The following CASZ1 variants were observed in gnomAD, a reference collection of about 807,000 sequenced individuals.
CASZ1 encodes castor zinc finger 1.
Under a neutral mutation model 135.2 loss-of-function variants are expected in CASZ1, and 28 were observed. The ratio of observed to expected loss-of-function variants is 0.21; its 90% CI spans 0.15 to 0.28. CASZ1 has a LOEUF of 0.28. CASZ1 is among the 10% of genes least tolerant of loss of function. The pLI is 1.00. For missense variants in CASZ1, 2,161 were observed against 2,453.3 expected, an observed-to-expected ratio of 0.88 and a Z score of 2.52; for synonymous variants, 1,068 against 1,073.4, an observed-to-expected ratio of 0.99 and a Z score of 0.10.
chr1:10,773,499 C>T lies in CASZ1; in HGVS notation c.-233-12642G>A, dbSNP rs183761032. ...CTGACAGGTGCAGGACAGTGGGACCCGGGAAGGAAATGGGCGAGCGGGGGT... is the reference window on the plus strand; with the variant it reads ...CTGACAGGTGCAGGACAGTGGGACCTGGGAAGGAAATGGGCGAGCGGGGGT... On this transcript the variant is annotated intron_variant, in intron 1 of 20. Transcript: ENST00000377022. Among the ~76,000 whole-genome samples the T allele has an allele frequency of 8.6e-5, 13 of 152,020 alleles. 1 individual carries two copies. The highest frequency in any genetic ancestry group is 2.6e-4 in the Admixed American group (4 of 15,280).
chr1:10,785,804 C>T (rs750172453), intron 1 of CASZ1, among the ~76,000 whole-genome samples: 7 of 152,252 alleles, frequency 4.6e-5, no homozygotes, highest in African/African-American at 1.4e-4. Flanking sequence ...CCTCCTCCTG[C>T]GCCCCTGCTA....
chr1:10,691,251 G>C (rs1228678369), intron 4 of CASZ1, among the ~76,000 whole-genome samples: 1 of 152,108 alleles, frequency 6.6e-6, no homozygotes, highest in Non-Finnish European at 1.5e-5. Flanking sequence ...TGTCATCTCG[G>C]GGCCTGGTGA....
intron 2 of CASZ1, 45 bp from the exon 3 acceptor site, chr1:10,705,589 T>C (rs1361991052): frequency 6.6e-6 from 1 of 152,328 alleles, no homozygotes; most frequent in African/African-American, 2.4e-5. Context: ...TCCAAGCCCA[T>C]GACTCCCCAG....
At position 10,657,294 on chromosome 1, in the gene CASZ1, G is replaced by T; in HGVS notation, c.1410-558C>A. ...CGCCAGGAACCTGTGCTGCCTCCCA[G>T]GAAACCCGTCCTCCTCCAGGCCCCA... is the stretch of plus-strand genomic sequence containing the variant. On this transcript the variant is annotated intron_variant, in intron 7 of 20. Coordinates refer to ENST00000377022, the MANE Select transcript of CASZ1 (RefSeq NM_001079843.3). This position sits in a 1 kb window ranked among gnomAD's most constrained non-coding sequence, Gnocchi z 5.7. Among the ~76,000 whole-genome samples, 1 of 152,242 alleles carries T rather than the reference G, an allele frequency of 6.6e-6. No individual in the cohort carries two copies. The highest frequency in any genetic ancestry group is 1.9e-4 in the East Asian group (1 of 5,190).
In CASZ1 at chr1:10,700,190, C is replaced by A. The variant is rs186059893; in HGVS notation, c.-24+5302G>T. Among the ~76,000 whole-genome samples, 3 of 152,214 alleles carry A rather than the reference C, an allele frequency of 2.0e-5. No individual in the cohort carries two copies. The highest frequency in any genetic ancestry group is 7.2e-5 in the African/African-American group (3 of 41,520). Reference sequence around the variant, plus strand: ...GCCCAGCCTGTGGCCCCAGCCCGGGCGGGGACCTGTTCTGGAATGTTGGGT... The same window carrying A: ...GCCCAGCCTGTGGCCCCAGCCCGGGAGGGGACCTGTTCTGGAATGTTGGGT... On this transcript the variant is annotated intron_variant, in intron 3 of 20. Coordinates refer to ENST00000377022, the MANE Select transcript of CASZ1 (RefSeq NM_001079843.3). This position sits in a 1 kb window ranked among gnomAD's most constrained non-coding sequence, Gnocchi z 4.2.
chr1:10,772,669 A>G (rs927763186), intron 1 of CASZ1, among the ~76,000 whole-genome samples: 8 of 152,138 alleles, frequency 5.3e-5, no homozygotes, highest in African/African-American at 1.7e-4. Flanking sequence ...CAGGGTGTCC[A>G]CCTGAGTGCC....
rs77034865 is a variant in CASZ1, at chr1:10,648,331, C to T, written c.3159-192G>A. ...GGCAAACTGCAGCGTCCCCTGGTTC[C>T]GAACTTGGTCTCCTGGCTTGGGCCT... is the stretch of plus-strand genomic sequence containing the variant. On this transcript the variant is annotated intron_variant, in intron 15 of 20. Coordinates refer to ENST00000377022, the MANE Select transcript of CASZ1 (RefSeq NM_001079843.3). The T allele has an allele frequency of 7.4e-4, 383 of 518,928 alleles. 1 individual carries two copies. The highest frequency in any genetic ancestry group is 6.9e-3 in the African/African-American group (350 of 51,056). The allele number at this position is 518,928 out of a possible 1,614,324, so 32.1% of individuals were successfully genotyped here. A position where few individuals can be genotyped will look rare whatever the true frequency, so the allele number is the denominator to read the frequency against.
chr1:10,764,269 GT>G (rs1201185165), intron 1 of CASZ1, among the ~76,000 whole-genome samples: 3 of 152,154 alleles, frequency 2.0e-5, no homozygotes, highest in African/African-American at 7.2e-5. Context: ...CAGCTCTCAG[GT>G]TTAAGGGAGC....
At chr1:10,763,051 C>T (rs1477380506) in intron 1 of CASZ1, among the ~76,000 whole-genome samples, 1 of 152,236 alleles carries the variant, frequency 6.6e-6, no homozygotes, top group African/African-American at 2.4e-5. Flanking sequence ...TTCCTGCCAT[C>T]CTCCAAGCCT....
At chr1:10,693,840 A>G (rs779879434) in intron 4 of CASZ1, 34 bp downstream of exon 4, 2 of 1,545,468 alleles carry the variant, frequency 1.3e-6, no homozygotes, top group African/African-American at 1.4e-5. Flanking sequence ...AAGAAAAGTG[A>G]AAGAGCCGCC....
At chr1:10,668,388 C>G (rs1643301945) in intron 4 of CASZ1, among the ~76,000 whole-genome samples, 1 of 152,254 alleles carries the variant, frequency 6.6e-6, no homozygotes, top group South Asian at 2.1e-4. Context: ...CCCCTTTCAT[C>G]TCCTTCCCGC....
Position 10,646,358 on chromosome 1 carries a change from G to GCCATT in CASZ1, c.3498-37_3498-33dup, listed in dbSNP as rs1642364096. On this transcript the variant is annotated intron_variant, in intron 16 of 20. Transcript: ENST00000377022. This position sits in a 1 kb window ranked among gnomAD's most constrained non-coding sequence, Gnocchi z 6.4. ...GGAAACCACAGCCCAGAAGGTCATT[G>GCCATT]CCATTCTCAAGCCCTCCCTGCTGGT... The GCCATT allele has an allele frequency of 1.9e-6, 3 of 1,608,420 alleles. No individual in the cohort carries two copies. Among genetic ancestry groups the GCCATT allele is most frequent in the African/African-American group, 2.7e-5 (2 of 74,938 alleles).
At chr1:10,681,200 CT>C (rs58517587) in intron 4 of CASZ1, among the ~76,000 whole-genome samples, 271 of 146,236 alleles carry the variant, frequency 1.9e-3, no homozygotes, top group Middle Eastern at 3.5e-3. Flanking sequence ...CGTGCCTGAC[CT>C]TTTTTTTTTT....
In CASZ1 at chr1:10,759,213, G is replaced by A. The variant is rs1640316676; in HGVS notation, c.-77+1488C>T. Among the ~76,000 whole-genome samples the A allele has an allele frequency of 6.6e-6, 1 of 152,180 alleles. No individual in the cohort carries two copies. The highest frequency in any genetic ancestry group is 1.5e-5 in the Non-Finnish European group (1 of 68,046). ...GCAGGGCTGGGCAAGACCACCCTGA[G>A]GCTTGCATATATTTGAGCCTGCATC... On this transcript the variant is annotated intron_variant, in intron 2 of 20. Coordinates refer to ENST00000377022, the MANE Select transcript of CASZ1 (RefSeq NM_001079843.3). This position sits in a 1 kb window ranked among gnomAD's most constrained non-coding sequence, Gnocchi z 4.2.
At chr1:10,684,179 G>C (rs1429404008) in intron 4 of CASZ1, among the ~76,000 whole-genome samples, 2 of 152,100 alleles carry the variant, frequency 1.3e-5, no homozygotes, top group Admixed American at 6.5e-5. Context: ...TTACGGTGGT[G>C]GGGGAGTGAG....
At position 10,657,510 on chromosome 1, in the gene CASZ1, CAAAT is replaced by C. The variant is rs1316090011; in HGVS notation, c.1410-778_1410-775del. On this transcript the variant is annotated intron_variant, in intron 7 of 20. Coordinates refer to ENST00000377022, the MANE Select transcript of CASZ1 (RefSeq NM_001079843.3). The surrounding 1 kb of genome is among the most constrained non-coding windows in gnomAD (Gnocchi z 5.7). ...CTGTAATGGGAAAACCACGTGCAAACAAATATTTAGGCTGAAGTGGCCAAAAGGG... is the reference window on the plus strand; with the variant it reads ...CTGTAATGGGAAAACCACGTGCAAACATTTAGGCTGAAGTGGCCAAAAGGG... Among the ~76,000 whole-genome samples the C allele has an allele frequency of 6.6e-6, 1 of 152,158 alleles. No homozygotes were observed. The highest frequency in any genetic ancestry group is 2.4e-5 in the African/African-American group (1 of 41,428).
At chr1:10,792,325 C>T (rs7543876) in intron 1 of CASZ1, among the ~76,000 whole-genome samples, 761 of 4,994 alleles carry the variant, frequency 0.15, 180 homozygotes, top group Non-Finnish European at 0.26. Context: ...CCCCTCCCCC[C>T]CGCCCCCCCC....
At chr1:10,785,202 T>C (rs1640839045) in intron 1 of CASZ1, among the ~76,000 whole-genome samples, 1 of 143,260 alleles carries the variant, frequency 7.0e-6, no homozygotes, top group African/African-American at 2.5e-5. Flanking sequence ...TTCCCTTTCT[T>C]TCTCTTTTCC....
At chr1:10,715,750 C>T (rs1333347801) in intron 2 of CASZ1, among the ~76,000 whole-genome samples, 30 of 130,474 alleles carry the variant, frequency 2.3e-4, no homozygotes, top group Non-Finnish European at 8.1e-5. Context: ...CCGCTCCCCA[C>T]AGCACCCAAT....
Sources: allele counts gnomAD v4.1 joint callset (sites outside exome capture counted in the v4.1 genomes callset), GRCh38; gene constraint gnomAD v4.1.1; non-coding constraint Gnocchi (gnomAD v3.1); transcripts MANE v1.5; gene names NCBI Gene and HGNC (gene_info 2026-07-23, HGNC 2026-07-21).